The following KLF15 variants were observed in gnomAD, a reference collection of about 807,000 sequenced individuals.
KLF15 encodes Krueppel-like factor 15.
KLF15 carries 4 observed loss-of-function variants against 24.6 expected under a neutral mutation model. That is an observed-to-expected ratio of 0.16 (90% CI 0.08 to 0.37). The LOEUF is 0.37. Among genes scored for constraint, KLF15 ranks in the 10% least tolerant of loss-of-function variants. KLF15 has a pLI of 1.00. For missense variants in KLF15, 496 were observed against 560.6 expected (o/e 0.88, Z 1.16); for synonymous variants, 246 against 236.3 (o/e 1.04, Z -0.37).
intron 2 of KLF15, 50 bp downstream of exon 2, chr3:126,351,791 G>GCC (rs1421276680): frequency 1.3e-6 from 2 of 1,540,772 alleles, no homozygotes; most frequent in East Asian, 4.7e-5. Flanking sequence ...CAAGTAAGCA[G>GCC]ACATGAGTGG....
chr3:126,319,460 T>C, the KLF15 span, among the ~76,000 whole-genome samples: 1 of 152,366 alleles, frequency 6.6e-6, no homozygotes, highest in Admixed American at 6.5e-5. Flanking sequence ...GTCAGTGTTT[T>C]GGGTTTGGCT....
chr3:126,346,080 A>G (rs1326280571), intron 2 of KLF15, among the ~76,000 whole-genome samples: 5 of 152,170 alleles, frequency 3.3e-5, no homozygotes, highest in South Asian at 2.1e-4. Context: ...CCTCCTGTAC[A>G]GGCCTGGATG....
At chr3:126,350,105 C>A (rs35892873) in intron 2 of KLF15, among the ~76,000 whole-genome samples, 1 of 152,060 alleles carries the variant, frequency 6.6e-6, no homozygotes, top group South Asian at 2.1e-4. Context: ...CTGACCCAGG[C>A]GTAGGCTCAA....
the KLF15 span, among the ~76,000 whole-genome samples, chr3:126,296,623 G>A: frequency 1.3e-5 from 2 of 152,246 alleles, no homozygotes; most frequent in Non-Finnish European, 2.9e-5. Context: ...GCTATGGCCT[G>A]AATCTGCAAG....
At chr3:126,326,939 G>A in the KLF15 span, among the ~76,000 whole-genome samples, 1 of 152,034 alleles carries the variant, frequency 6.6e-6, no homozygotes, top group Non-Finnish European at 1.5e-5. Flanking sequence ...ATTGCGGATA[G>A]TGCAAACATT....
the KLF15 span, among the ~76,000 whole-genome samples, chr3:126,308,079 C>T: frequency 3.9e-5 from 6 of 152,274 alleles, no homozygotes; most frequent in African/African-American, 1.2e-4. Context: ...CTGGCTGGGA[C>T]GGGGGCACCT....
Position 126,352,131 on chromosome 3 carries a change from G to C in KLF15, c.792C>G (p.Pro264=). Residue 264 remains proline, a synonymous_variant, in exon 2 of 3, where the codon CCC becomes CCG. Coordinates refer to ENST00000296233, the MANE Select transcript of KLF15 (RefSeq NM_014079.4). The part of the protein sequence containing the change: ...NIQGQTFALV[P]QVVPSSNLNL... ...TCAAGTTGGAGGAGGGTACCACCTGGGGCACGAGTGCGAAGGTCTGCCCCT... is the reference window on the plus strand; with the variant it reads ...TCAAGTTGGAGGAGGGTACCACCTGCGGCACGAGTGCGAAGGTCTGCCCCT... 1.3e-6 allele frequency: 2 copies of C among 1,563,072 alleles called. No homozygotes were observed. Among genetic ancestry groups the C allele is most frequent in the Non-Finnish European group, 1.7e-6 (2 of 1,153,090 alleles).
chr3:126,346,816 T>C (rs541764984), intron 2 of KLF15, among the ~76,000 whole-genome samples: 3 of 152,288 alleles, frequency 2.0e-5, no homozygotes, highest in African/African-American at 7.2e-5. Context: ...GTGGGTAAGA[T>C]GCAGCCCTTG....
chr3:126,350,374 G>C (rs2082573158), intron 2 of KLF15, among the ~76,000 whole-genome samples: 1 of 152,216 alleles, frequency 6.6e-6, no homozygotes, highest in African/African-American at 2.4e-5. Flanking sequence ...TCTCCGGTCT[G>C]TCTGAATGGG....
At chr3:126,302,761 C>A in the KLF15 span, among the ~76,000 whole-genome samples, 5 of 152,018 alleles carry the variant, frequency 3.3e-5, no homozygotes, top group Non-Finnish European at 4.4e-5. Context: ...CTTTTCCCAT[C>A]CTCCTACTTC....
At chr3:126,313,522 A>G in the KLF15 span, among the ~76,000 whole-genome samples, 4 of 152,188 alleles carry the variant, frequency 2.6e-5, no homozygotes. Context: ...TTTGGGGGAC[A>G]TGATTCAACC....
At chr3:126,335,551 A>AT in the KLF15 span, among the ~76,000 whole-genome samples, 2 of 148,320 alleles carry the variant, frequency 1.3e-5, no homozygotes, top group Non-Finnish European at 3.0e-5. Context: ...CCTATTCAAC[A>AT]TAGTGTTGGA....
chr3:126,331,151 G>T, the KLF15 span, among the ~76,000 whole-genome samples: 1 of 152,274 alleles, frequency 6.6e-6, no homozygotes, highest in East Asian at 1.9e-4. Context: ...AAACTAGAGA[G>T]TCACCAGCCC....
rs372180538 is a variant in KLF15 at position 126,352,099 on chromosome 3, G to A, written c.824C>T (p.Pro275Leu). Reference sequence around the variant, plus strand: ...AGGGGCAATGCGCACAAACTTGGAGGGCAGGTTCAAGTTGGAGGAGGGTAC... The same window carrying A: ...AGGGGCAATGCGCACAAACTTGGAGAGCAGGTTCAAGTTGGAGGAGGGTAC... ...QVVPSSNLNL[P>L]SKFVRIAPVP... is the part of the protein sequence containing the mutation. Residue 275 changes from proline to leucine, a missense_variant, in exon 2 of 3, where the codon CCC becomes CTC. Around this residue, in one of 3 missense-constraint regions of KLF15, gnomAD observed 399 missense variants for 423.1 expected, o/e 0.94. Transcript: ENST00000296233. The A allele has an allele frequency of 4.5e-6, 7 of 1,551,578 alleles. No individual in the cohort carries two copies. The highest frequency in any genetic ancestry group is 2.4e-5 in the South Asian group (2 of 83,376).
At chr3:126,354,336 A>T (rs1273084781) in intron 1 of KLF15, 3 of 152,258 alleles carry the variant, frequency 2.0e-5, no homozygotes, top group Non-Finnish European at 4.4e-5. Flanking sequence ...GCTGCCCAGC[A>T]TCACCTCTAC....
chr3:126,317,110 A>G, the KLF15 span, among the ~76,000 whole-genome samples: 12,666 of 152,102 alleles, frequency 0.083, 678 homozygotes, highest in African/African-American at 0.15. Context: ...TGCAAGCAGC[A>G]CCACAAGCCC....
the KLF15 span, among the ~76,000 whole-genome samples, chr3:126,318,025 C>G: frequency 1.3e-5 from 2 of 152,160 alleles, no homozygotes; most frequent in African/African-American, 4.8e-5. Flanking sequence ...CATGCTGGCT[C>G]TCTGTGTTCT....
chr3:126,355,302 C>G (rs942153488), intron 1 of KLF15, among the ~76,000 whole-genome samples: 1 of 152,242 alleles, frequency 6.6e-6, no homozygotes, highest in Admixed American at 6.5e-5. Context: ...AGGAAACACC[C>G]TCCAATGGCT....
chr3:126,337,454 A>G, the KLF15 span, among the ~76,000 whole-genome samples: 11 of 126,220 alleles, frequency 8.7e-5, no homozygotes, highest in African/African-American at 3.5e-4. Flanking sequence ...GAGGGATAGC[A>G]TTGGGAGATA....
Sources: gnomAD v4.1 joint callset for allele counts (sites outside exome capture counted in the v4.1 genomes callset) on GRCh38, gnomAD v4.1.1 for gene constraint, gnomAD v4.1.1 regional missense constraint, MANE v1.5 for transcripts, NCBI Gene and HGNC (gene_info 2026-07-23, HGNC 2026-07-21) for gene names.